Variants in HHAT observed in about 807,000 individuals in gnomAD.
HHAT encodes the protein hedgehog acyltransferase.
A neutral mutation model predicts 70.8 loss-of-function variants in HHAT; 47 were observed. The observed-to-expected ratio is 0.66, with a 90% CI of 0.53 to 0.85. HHAT has a LOEUF of 0.85. HHAT is among the 40% of genes least tolerant of loss of function. HHAT has a pLI of 0.00. For synonymous variants in HHAT, 228 were observed against 247.6 expected (o/e 0.92, Z 0.74); for missense variants, 609 against 604.8 (o/e 1.01, Z -0.07).
intron 4 of HHAT, among the ~76,000 whole-genome samples, chr1:210,394,389 G>A (rs2091657915): frequency 1.3e-5 from 2 of 152,024 alleles, no homozygotes; most frequent in African/African-American, 4.8e-5. Context: ...CTGGAGGGAA[G>A]GCTGAATCAT....
At chr1:210,576,329 C>A (rs199722939) in intron 9 of HHAT, among the ~76,000 whole-genome samples, 15 of 152,022 alleles carry the variant, frequency 9.9e-5, no homozygotes, top group African/African-American at 3.4e-4. Context: ...TTAATGTGTA[C>A]AATTTGATGA....
chr1:210,621,134 C>T (rs1351874411), intron 10 of HHAT, among the ~76,000 whole-genome samples: 3 of 152,128 alleles, frequency 2.0e-5, no homozygotes, highest in Non-Finnish European at 4.4e-5. Flanking sequence ...GCTTAGCAGC[C>T]CCAGGCAAAG....
At chr1:210,580,935 C>A (rs192832374) in intron 9 of HHAT, among the ~76,000 whole-genome samples, 14 of 152,288 alleles carry the variant, frequency 9.2e-5, no homozygotes, top group African/African-American at 2.2e-4. Context: ...AATTTACATT[C>A]CCACCAATAG....
intron 7 of HHAT, among the ~76,000 whole-genome samples, chr1:210,425,980 A>G (rs1048293659): frequency 4.6e-5 from 7 of 152,138 alleles, no homozygotes; most frequent in Admixed American, 1.3e-4. Context: ...ATGAGCATGG[A>G]ATGTTCTTCC....
intron 11 of HHAT, among the ~76,000 whole-genome samples, chr1:210,669,562 A>G (rs11799806): frequency 0.047 from 7,150 of 152,246 alleles, 210 homozygotes; most frequent in Middle Eastern, 0.092. Flanking sequence ...CTGTCCTATT[A>G]ATTATATTAT....
chr1:210,367,648 G>A (rs2089130751), intron 3 of HHAT, among the ~76,000 whole-genome samples: 2 of 152,300 alleles, frequency 1.3e-5, no homozygotes, highest in Middle Eastern at 3.4e-3. Flanking sequence ...TTAGGGCAGT[G>A]AAAGGGAGCT....
chr1:210,655,476 G>T (rs544844934), intron 11 of HHAT, among the ~76,000 whole-genome samples: 1 of 152,282 alleles, frequency 6.6e-6, no homozygotes, highest in South Asian at 2.1e-4. Flanking sequence ...AGGAAATTTA[G>T]GCAGCCCAGT....
At chr1:210,418,365 A>T (rs368200754) in intron 7 of HHAT, 40 bp downstream of exon 7, 4 of 1,529,426 alleles carry the variant, frequency 2.6e-6, no homozygotes, top group African/African-American at 2.8e-5. Flanking sequence ...GAGCCCCAAT[A>T]GTCCAACAGT....
At chr1:210,472,984 G>A (rs2094232191) in intron 8 of HHAT, among the ~76,000 whole-genome samples, 1 of 152,138 alleles carries the variant, frequency 6.6e-6, no homozygotes, top group Admixed American at 6.5e-5. Flanking sequence ...TGAAGTGGCT[G>A]CTCTTAGAGG....
intron 11 of HHAT, among the ~76,000 whole-genome samples, chr1:210,656,424 C>T (rs1558369499): frequency 6.6e-6 from 1 of 152,146 alleles, no homozygotes; most frequent in African/African-American, 2.4e-5. Context: ...GTCCCCCTGC[C>T]CTTTGAGCCT....
At chr1:210,329,366 C>G (rs1459049864) in intron 1 of HHAT, 7 of 1,182,016 alleles carry the variant, frequency 5.9e-6, no homozygotes, top group Non-Finnish European at 6.3e-6. Flanking sequence ...TGCCCACGTC[C>G]TCTCTCCTTG....
intron 11 of HHAT, among the ~76,000 whole-genome samples, chr1:210,637,875 G>A (rs1400209178): frequency 6.6e-6 from 1 of 150,864 alleles, no homozygotes; most frequent in South Asian, 2.1e-4. Flanking sequence ...AAAAAAAGGG[G>A]GGGGCAAAGG....
chr1:210,655,165 T>C (rs1676115593), intron 11 of HHAT, among the ~76,000 whole-genome samples: 2 of 152,158 alleles, frequency 1.3e-5, no homozygotes, highest in South Asian at 4.1e-4. Flanking sequence ...TAACCCCATG[T>C]AAAGATTACC....
chr1:210,580,426 T>C (rs1423645058), intron 9 of HHAT, among the ~76,000 whole-genome samples: 2 of 151,522 alleles, frequency 1.3e-5, no homozygotes, highest in South Asian at 2.1e-4. Context: ...GTTTGTTACA[T>C]AGGTATACGT....
At chr1:210,451,059 C>T (rs576831149) in intron 7 of HHAT, among the ~76,000 whole-genome samples, 1 of 146,800 alleles carries the variant, frequency 6.8e-6, no homozygotes, top group East Asian at 2.0e-4. Flanking sequence ...TGCGCTCCAG[C>T]CTGGGCAACA....
intron 9 of HHAT, among the ~76,000 whole-genome samples, chr1:210,533,641 A>G (rs1226838793): frequency 6.6e-6 from 1 of 152,156 alleles, no homozygotes; most frequent in Non-Finnish European, 1.5e-5. Flanking sequence ...CAGCATTTGT[A>G]TATGGTGCAC....
intron 8 of HHAT, among the ~76,000 whole-genome samples, chr1:210,465,930 G>A (rs954075082): frequency 2.2e-5 from 3 of 133,908 alleles, no homozygotes; most frequent in African/African-American, 8.5e-5. Context: ...GAATTGCAAG[G>A]AATTGCAAGG....
chr1:210,454,119 C>T (rs1418956654), intron 7 of HHAT, among the ~76,000 whole-genome samples: 1 of 152,172 alleles, frequency 6.6e-6, no homozygotes, highest in East Asian at 1.9e-4. Context: ...CATTTACCTC[C>T]CGCTGGGTTC....
At position 210,512,309 on chromosome 1, in the gene HHAT, G is replaced by A. The variant is rs188912428; in HGVS notation, c.1008-844G>A. Among the ~76,000 whole-genome samples the A allele has an allele frequency of 1.3e-4, 20 of 152,200 alleles. No individual in the cohort carries two copies. In the East Asian group the frequency reaches 3.9e-3, roughly 29 times the overall value. ...GGCCAAGGTTGACCCTCCACTCACTGCCACACCAGCCTCTCCCTGCCCCAC... is the reference window on the plus strand; with the variant it reads ...GGCCAAGGTTGACCCTCCACTCACTACCACACCAGCCTCTCCCTGCCCCAC... On this transcript the variant is annotated intron_variant, in intron 8 of 11. Transcript: ENST00000261458.
Sources: gnomAD v4.1 joint callset for allele counts (sites outside exome capture counted in the v4.1 genomes callset) on GRCh38, gnomAD v4.1.1 for gene constraint, MANE v1.5 for transcripts, NCBI Gene and HGNC (gene_info 2026-07-23, HGNC 2026-07-21) for gene names.